Variants in RAB3GAP2 observed in about 807,000 individuals in gnomAD.
The protein encoded by RAB3GAP2 is RAB3 GTPase activating non-catalytic protein subunit 2, also known as rab3 GTPase-activating protein non-catalytic subunit.
Under a neutral mutation model 185.3 loss-of-function variants are expected in RAB3GAP2, and 87 were observed. The observed-to-expected ratio is 0.47, with a 90% CI of 0.39 to 0.56. The LOEUF (loss-of-function observed/expected upper bound fraction) is 0.56, where lower values mean the gene tolerates loss of function less well. Among genes scored for constraint, RAB3GAP2 ranks in the 20% least tolerant of loss-of-function variants. The pLI is 0.00. For missense variants in RAB3GAP2, 1,492 were observed against 1,638.2 expected (o/e 0.91, Z 1.54); for synonymous variants, 554 against 576.1 (o/e 0.96, Z 0.55).
At chr1:220,199,235 T>C (rs1480654165) in intron 9 of RAB3GAP2, among the ~76,000 whole-genome samples, 1 of 152,084 alleles carries the variant, frequency 6.6e-6, no homozygotes, top group Non-Finnish European at 1.5e-5. Context: ...AAGTTTGACA[T>C]CTAGGTAGAA....
chr1:220,189,975 A>C, intron 16 of RAB3GAP2, 89 bp downstream of exon 16: 1 of 1,182,510 alleles, frequency 8.5e-7, no homozygotes, highest in Non-Finnish European at 1.3e-6. Flanking sequence ...TCATCCATGC[A>C]TTATTTTGAT....
At chr1:220,183,854 T>G (rs957574909) in intron 19 of RAB3GAP2, among the ~76,000 whole-genome samples, 182 bp downstream of exon 19, 1 of 152,136 alleles carries the variant, frequency 6.6e-6, no homozygotes, top group Non-Finnish European at 1.5e-5. Context: ...ATCTCAGCAC[T>G]TGTATAAATA....
chr1:220,170,041 T>C (rs1318430118), intron 24 of RAB3GAP2, among the ~76,000 whole-genome samples: 2 of 152,116 alleles, frequency 1.3e-5, no homozygotes, highest in Admixed American at 1.3e-4. Context: ...AATGATAGAC[T>C]GGATAAAGAA....
At chr1:220,257,848 G>T (rs551754514) in intron 1 of RAB3GAP2, among the ~76,000 whole-genome samples, 1 of 151,874 alleles carries the variant, frequency 6.6e-6, no homozygotes, top group Admixed American at 6.6e-5. Context: ...TAATAAAGAA[G>T]AAAAGAAAGA....
intron 27 of RAB3GAP2, among the ~76,000 whole-genome samples, chr1:220,163,757 A>ATATG (rs1658011314): frequency 6.9e-6 from 1 of 145,476 alleles, no homozygotes; most frequent in Admixed American, 6.9e-5. Context: ...ATATATATAT[A>ATATG]TATATATATA....
rs771918215 is a variant in RAB3GAP2 at position 220,162,926 on chromosome 1, A to AAAAC, written c.3155-662_3155-659dup. Among the ~76,000 whole-genome samples, 12 of 152,288 alleles carry AAAAC rather than the reference A, an allele frequency of 7.9e-5. No homozygotes were observed. The South Asian group carries it at 1.2e-3, about 16-fold the overall frequency. ...AAAGTATTAAAAACAAAATATATAAAAAACAAACAAACAAACAAACCAGGC... is the reference window on the plus strand; with the variant it reads ...AAAGTATTAAAAACAAAATATATAAAAAACAAACAAACAAACAAACAAACCAGGC... On this transcript the variant is annotated intron_variant, in intron 27 of 34. Transcript: ENST00000358951.
intron 31 of RAB3GAP2, among the ~76,000 whole-genome samples, chr1:220,154,915 G>T (rs1490897173): frequency 1.3e-5 from 2 of 151,848 alleles, no homozygotes; most frequent in Admixed American, 6.6e-5. Context: ...GTAGAGACGG[G>T]GTTTTCACCA....
intron 2 of RAB3GAP2, 56 bp downstream of exon 2, chr1:220,232,743 A>G (rs982858899): frequency 2.8e-6 from 4 of 1,417,888 alleles, no homozygotes; most frequent in Non-Finnish European, 4.0e-6. Flanking sequence ...TGTCACCATC[A>G]TTACAAAAGG....
intron 31 of RAB3GAP2, among the ~76,000 whole-genome samples, chr1:220,155,299 C>T (rs778085614): frequency 1.3e-5 from 2 of 152,182 alleles, no homozygotes; most frequent in African/African-American, 4.8e-5. Context: ...TCCTAGGTAT[C>T]TTCCAATGTG....
intron 9 of RAB3GAP2, chr1:220,200,510 A>T (rs751131873): frequency 2.0e-6 from 1 of 510,092 alleles, no homozygotes; most frequent in Non-Finnish European, 4.0e-6. Context: ...CTACATAAAG[A>T]TGTACATACA....
At position 220,265,947 on chromosome 1, in the gene RAB3GAP2, CAAAA is replaced by C. The variant is rs1439854011; in HGVS notation, c.115+6272_115+6275del. On this transcript the variant is annotated intron_variant, in intron 1 of 34. Coordinates refer to ENST00000358951, the MANE Select transcript of RAB3GAP2 (RefSeq NM_012414.4). ...CTCTAAAAAACAAAAACAAAACAAA[CAAAA>C]AAGCCACAAAGCAGTAAGACCAGAC... 3.9e-5 allele frequency: 6 copies of C among 152,074 alleles called. 1 individual carries two copies. The highest frequency in any genetic ancestry group is 4.1e-4 in the South Asian group (2 of 4,822). 9.4% of individuals were successfully genotyped at this position (152,074 alleles called of 1,614,324 possible). A position where few individuals can be genotyped will look rare whatever the true frequency, so the allele number is the denominator to read the frequency against.
chr1:220,254,646 T>C (rs1660000702), intron 1 of RAB3GAP2: 1 of 838,184 alleles, frequency 1.2e-6, no homozygotes, highest in Non-Finnish European at 1.9e-6. Flanking sequence ...TGTATAACAA[T>C]TGATGTTTGT....
At chr1:220,243,082 C>T (rs965729924) in intron 1 of RAB3GAP2, among the ~76,000 whole-genome samples, 70 of 152,230 alleles carry the variant, frequency 4.6e-4, no homozygotes, top group African/African-American at 1.4e-3. Flanking sequence ...AGGCTGGGCA[C>T]GGCGGCTCAC....
At chr1:220,156,684 T>C (rs1571873623) in intron 31 of RAB3GAP2, among the ~76,000 whole-genome samples, 1 of 152,134 alleles carries the variant, frequency 6.6e-6, no homozygotes, top group Admixed American at 6.5e-5. Context: ...GTTATAGTCA[T>C]GGAGAGAAAC....
chr1:220,171,804 A>AC (rs1265479520), intron 23 of RAB3GAP2, 85 bp downstream of exon 23: 2 of 1,538,252 alleles, frequency 1.3e-6, no homozygotes, highest in South Asian at 2.2e-5. Flanking sequence ...GCTCCAAAAA[A>AC]CCCCCCGAAA....
intron 1 of RAB3GAP2, among the ~76,000 whole-genome samples, chr1:220,235,351 C>G (rs551341267): frequency 6.6e-6 from 1 of 152,214 alleles, no homozygotes; most frequent in South Asian, 2.1e-4. Context: ...TTAAGGCAGG[C>G]AACAAGGCTA....
At position 220,171,380 on chromosome 1, in the gene RAB3GAP2, C is replaced by T. The variant is rs561294484; in HGVS notation, c.2578-260G>A. Among the ~76,000 whole-genome samples the T allele has an allele frequency of 1.6e-4, 24 of 152,330 alleles. 1 individual carries two copies. In the South Asian group the frequency reaches 4.8e-3, roughly 30 times the overall value. On this transcript the variant is annotated intron_variant, in intron 23 of 34. Coordinates refer to ENST00000358951, the MANE Select transcript of RAB3GAP2 (RefSeq NM_012414.4). ...GCCCTGACTCAACCAGTATACATTT[C>T]AGAGTTTTCTGGGCCATCTTTGGCA... is the stretch of plus-strand genomic sequence containing the variant.
intron 1 of RAB3GAP2, among the ~76,000 whole-genome samples, chr1:220,241,218 G>GT (rs559940246): frequency 2.5e-4 from 38 of 151,720 alleles, no homozygotes; most frequent in African/African-American, 6.5e-4. Flanking sequence ...CTGAGTGTAT[G>GT]TTTTTTTTCA....
intron 33 of RAB3GAP2, 62 bp downstream of exon 33, chr1:220,153,120 ATTC>A: frequency 1.6e-6 from 2 of 1,261,284 alleles, no homozygotes; most frequent in Non-Finnish European, 2.3e-6. Context: ...AACTTAACTG[ATTC>A]TTTATTCCAA....
Sources: allele counts gnomAD v4.1 joint callset (sites outside exome capture counted in the v4.1 genomes callset), GRCh38; gene constraint gnomAD v4.1.1; transcripts MANE v1.5; gene names NCBI Gene and HGNC (gene_info 2026-07-23, HGNC 2026-07-21).